LCORL: variants seen among roughly 807,000 people sequenced by gnomAD.
LCORL encodes the protein ligand dependent nuclear receptor corepressor like, also known as ligand-dependent nuclear receptor corepressor-like protein.
LCORL carries 41 observed loss-of-function variants against 141.8 expected under a neutral mutation model. The ratio of observed to expected loss-of-function variants is 0.29; its 90% confidence interval spans 0.23 to 0.38. The LOEUF is 0.38. Ranked by LOEUF, LCORL falls within the 10% of genes least tolerant of loss-of-function variation. The pLI, the probability that LCORL is intolerant of heterozygous loss-of-function variation, is 1.00. For synonymous variants in LCORL, 618 were observed against 694.1 expected (o/e 0.89, Z 1.72); for missense variants, 1,759 against 2,035.0 (o/e 0.86, Z 2.61).
chr4:18,013,350 T>C (rs941080440), intron 1 of LCORL, among the ~76,000 whole-genome samples: 1 of 152,216 alleles, frequency 6.6e-6, no homozygotes, highest in African/African-American at 2.4e-5. Context: ...AGATATACTG[T>C]CCCCTATTCC....
chr4:18,013,496 T>C (rs1214234857), intron 1 of LCORL, among the ~76,000 whole-genome samples: 1 of 152,212 alleles, frequency 6.6e-6, no homozygotes, highest in Non-Finnish European at 1.5e-5. Context: ...TGGCAAACAT[T>C]TGAGGACAGA....
intron 4 of LCORL, among the ~76,000 whole-genome samples, chr4:17,940,097 T>C (rs904909524): frequency 1.4e-5 from 2 of 147,856 alleles, no homozygotes; most frequent in African/African-American, 4.9e-5. Context: ...TATACATATA[T>C]AGGTAGATAT....
intron 1 of LCORL, among the ~76,000 whole-genome samples, chr4:17,978,474 C>CTGTA (rs1560432895): frequency 6.6e-6 from 1 of 151,644 alleles, no homozygotes; most frequent in Non-Finnish European, 1.5e-5. Context: ...TGGCACACAC[C>CTGTA]TGTAGTCTCA....
chr4:17,858,872 C>T (rs1724667488), intron 7 of LCORL, among the ~76,000 whole-genome samples: 1 of 152,102 alleles, frequency 6.6e-6, no homozygotes, highest in Non-Finnish European at 1.5e-5. Context: ...CATAATCAAA[C>T]TGTTGATAAC....
chr4:17,993,100 T>C (rs1168768863), intron 1 of LCORL, among the ~76,000 whole-genome samples: 3 of 152,176 alleles, frequency 2.0e-5, no homozygotes, highest in African/African-American at 7.2e-5. Flanking sequence ...CAAGAAAACT[T>C]GATATGTTTA....
intron 1 of LCORL, among the ~76,000 whole-genome samples, chr4:18,011,685 C>T (rs376860910): frequency 1.3e-5 from 2 of 152,156 alleles, no homozygotes; most frequent in Admixed American, 1.3e-4. Flanking sequence ...CCAAATCCAC[C>T]TATTTTTATA....
intron 4 of LCORL, among the ~76,000 whole-genome samples, chr4:17,939,879 T>TACAC (rs143670453): frequency 6.8e-6 from 1 of 147,806 alleles, no homozygotes; most frequent in Non-Finnish European, 1.5e-5. Flanking sequence ...TAGGTACATG[T>TACAC]ACACACACAC....
intron 4 of LCORL, among the ~76,000 whole-genome samples, chr4:17,953,593 T>C (rs1438047624): frequency 6.6e-6 from 1 of 152,226 alleles, no homozygotes; most frequent in Non-Finnish European, 1.5e-5. Flanking sequence ...TCCCTCATGA[T>C]GTTTATCTAA....
At chr4:17,934,800 C>G (rs778219891) in intron 4 of LCORL, among the ~76,000 whole-genome samples, 3 of 152,128 alleles carry the variant, frequency 2.0e-5, no homozygotes, top group Non-Finnish European at 4.4e-5. Context: ...TACTAGTGAG[C>G]AAGTATCTCA....
chr4:17,967,709 T>C (rs760519625), intron 2 of LCORL, among the ~76,000 whole-genome samples: 4 of 152,190 alleles, frequency 2.6e-5, no homozygotes, highest in Admixed American at 2.6e-4. Context: ...AGCCTGTTTC[T>C]CCAGTCTTTG....
intron 7 of LCORL, among the ~76,000 whole-genome samples, chr4:17,849,608 G>T (rs1723379319): frequency 6.6e-6 from 1 of 152,176 alleles, no homozygotes; most frequent in African/African-American, 2.4e-5. Context: ...ACTCTAAAAA[G>T]CAGAGCGCCT....
In LCORL at chr4:18,021,539, T is replaced by A; in HGVS notation, c.154+59A>T. 1 of 1,449,614 alleles carries A rather than the reference T, an allele frequency of 6.9e-7. No individual in the cohort carries two copies. Among genetic ancestry groups the A allele is most frequent in the Non-Finnish European group, 9.2e-7 (1 of 1,082,400 alleles). 89.8% of individuals were successfully genotyped at this position (1,449,614 alleles called of 1,614,324 possible). On this transcript the variant is annotated intron_variant, in intron 1 of 7. Transcript: ENST00000635767. The surrounding 1 kb of genome is among the most constrained non-coding windows in gnomAD (Gnocchi z 5.5). ...ACTAAACCCCTCAGCCACAAACTCC[T>A]CGGGCTGCGACAGCGGTCGCCGCGC...
At chr4:17,910,751 A>C in intron 4 of LCORL, among the ~76,000 whole-genome samples, 1 of 152,236 alleles carries the variant, frequency 6.6e-6, no homozygotes, top group East Asian at 1.9e-4. Flanking sequence ...AGCTGATATA[A>C]GCTGGTCCTG....
exon 7 of LCORL, chr4:17,875,315 C>T: frequency 8.1e-7 from 1 of 1,231,408 alleles, no homozygotes; most frequent in East Asian, 3.2e-5. Flanking sequence ...GCTGAGGTAT[C>T]ACAGATTTGT....
chr4:17,883,263 T>A (rs1727818635), intron 6 of LCORL: 1 of 986,556 alleles, frequency 1.0e-6, no homozygotes, highest in African/African-American at 1.7e-5. Context: ...TTGCTTGACA[T>A]ACATACAACA....
At chr4:17,998,144 T>C (rs1438903214) in intron 1 of LCORL, among the ~76,000 whole-genome samples, 3 of 152,146 alleles carry the variant, frequency 2.0e-5, no homozygotes, top group Admixed American at 6.5e-5. Context: ...AAATATGGTA[T>C]AAAAGATACA....
At chr4:17,883,090 A>T (rs1412509489) in intron 6 of LCORL, 2 of 970,140 alleles carry the variant, frequency 2.1e-6, no homozygotes, top group African/African-American at 3.5e-5. Flanking sequence ...CTATTAAATG[A>T]TAAATATTAA....
intron 4 of LCORL, chr4:17,911,596 A>C: frequency 2.6e-6 from 1 of 384,622 alleles, no homozygotes; most frequent in South Asian, 2.4e-5. Context: ...GGCCTAAAGA[A>C]ATCAGCAGTT....
intron 1 of LCORL, among the ~76,000 whole-genome samples, chr4:18,015,642 G>A (rs909553532): frequency 1.3e-5 from 2 of 151,778 alleles, no homozygotes; most frequent in Non-Finnish European, 2.9e-5. Context: ...CTTTTGGATA[G>A]CAGACCCATC....
Sources: gnomAD v4.1 joint callset for allele counts (sites outside exome capture counted in the v4.1 genomes callset) on GRCh38, gnomAD v4.1.1 for gene constraint, Gnocchi (gnomAD v3.1) non-coding constraint, MANE v1.5 for transcripts, NCBI Gene and HGNC (gene_info 2026-07-23, HGNC 2026-07-21) for gene names.